The following SPG11 variants were observed in gnomAD, a reference collection of about 807,000 sequenced individuals.
The protein encoded by SPG11 is spatacsin.
Under a neutral mutation model 274.0 loss-of-function variants are expected in SPG11, and 222 were observed. The ratio of observed to expected loss-of-function variants is 0.81; its 90% CI spans 0.73 to 0.91. The LOEUF is 0.91. Among genes scored for constraint, SPG11 ranks in the 40% least tolerant of loss-of-function variants. The pLI, the probability that SPG11 is intolerant of heterozygous loss-of-function variation, is 0.00. For synonymous variants in SPG11, 1,144 were observed against 1,039.7 expected (o/e 1.10, Z -1.93); for missense variants, 3,114 against 2,872.7 (o/e 1.08, Z -1.92).
intron 9 of SPG11, 149 bp downstream of exon 9, chr15:44,629,084 C>G (rs1050642514): frequency 1.0e-6 from 1 of 954,094 alleles, no homozygotes; most frequent in Non-Finnish European, 1.6e-6. Flanking sequence ...GTATCAAAAC[C>G]CATTTCACTT....
At position 44,585,866 on chromosome 15, in the gene SPG11, A is replaced by AATAT; in HGVS notation, c.4907-17_4907-16insATAT. ...ACATCTGGACCTGTGCCAAAGAGAA[A>AATAT]AGGATATAAACATTTAGTCAATAAA... On this transcript the variant is annotated splice_polypyrimidine_tract_variant and intron_variant, in intron 28 of 39. Coordinates refer to ENST00000261866, the MANE Select transcript of SPG11 (RefSeq NM_025137.4). 6.2e-7 allele frequency: 1 copy of AATAT among 1,611,570 alleles called. No homozygotes were observed. The highest frequency in any genetic ancestry group is 8.5e-7 in the Non-Finnish European group (1 of 1,177,830).
chr15:44,583,662 C>T (rs1455582443), intron 30 of SPG11, 152 bp downstream of exon 30: 12 of 822,964 alleles, frequency 1.5e-5, no homozygotes, highest in East Asian at 7.5e-5. Flanking sequence ...ATTTCATTGC[C>T]TAGTTAATTG....
chr15:44,592,290 A>G, intron 27 of SPG11, 41 bp downstream of exon 27: 1 of 1,222,458 alleles, frequency 8.2e-7, no homozygotes, highest in African/African-American at 1.5e-5. Context: ...ATGCCAACCA[A>G]GTGCAGATCA....
chr15:44,619,095 A>C (rs1344958876), intron 15 of SPG11, among the ~76,000 whole-genome samples: 1 of 152,206 alleles, frequency 6.6e-6, no homozygotes, highest in African/African-American at 2.4e-5. Flanking sequence ...CATTTAGTGC[A>C]ATGGAGAGAA....
At chr15:44,627,996 C>G (rs2083952687) in intron 10 of SPG11, among the ~76,000 whole-genome samples, 1 of 152,204 alleles carries the variant, frequency 6.6e-6, no homozygotes, top group African/African-American at 2.4e-5. Context: ...AACAACCTAG[C>G]AGCATCTCCA....
intron 34 of SPG11, among the ~76,000 whole-genome samples, chr15:44,569,736 A>C (rs2082379908): frequency 7.3e-6 from 1 of 137,004 alleles, no homozygotes. Flanking sequence ...TTTTTTTTTG[A>C]GATGGAGTCT....
At chr15:44,565,787 T>C in intron 38 of SPG11, 67 bp downstream of exon 38, 1 of 1,596,374 alleles carries the variant, frequency 6.3e-7, no homozygotes, top group Non-Finnish European at 8.6e-7. Flanking sequence ...TACCTCTGGG[T>C]TCCATGAGTG....
At chr15:44,642,997 T>C (rs1211704117) in intron 7 of SPG11, among the ~76,000 whole-genome samples, 2 of 152,238 alleles carry the variant, frequency 1.3e-5, no homozygotes, top group Non-Finnish European at 2.9e-5. Context: ...CTTGCCTTGA[T>C]GGTGGATACA....
At chr15:44,565,659 T>G (rs2082292252) in intron 38 of SPG11, among the ~76,000 whole-genome samples, 195 bp downstream of exon 38, 1 of 152,230 alleles carries the variant, frequency 6.6e-6, no homozygotes, top group South Asian at 2.1e-4. Flanking sequence ...CTTACCATTC[T>G]CTAACCTCTG....
chr15:44,565,809 G>A, intron 38 of SPG11, 45 bp downstream of exon 38: 2 of 1,611,304 alleles, frequency 1.2e-6, no homozygotes, highest in African/African-American at 1.3e-5. Flanking sequence ...GACAGAAGGA[G>A]AGAGGATGCT....
At chr15:44,619,979 G>A in intron 15 of SPG11, 2 of 515,668 alleles carry the variant, frequency 3.9e-6, no homozygotes, top group Non-Finnish European at 7.0e-6. Flanking sequence ...GCCTCCCAAA[G>A]TGCTGAGATT....
intron 39 of SPG11, 117 bp downstream of exon 39, chr15:44,564,430 C>T: frequency 1.0e-6 from 1 of 979,246 alleles, no homozygotes. Context: ...TACTGCTTTG[C>T]CATTTTAAGT....
At chr15:44,582,588 AT>A (rs1226833258) in intron 30 of SPG11, among the ~76,000 whole-genome samples, 2 of 152,136 alleles carry the variant, frequency 1.3e-5, no homozygotes, top group African/African-American at 4.8e-5. Context: ...ACAGAATAAC[AT>A]TCCTCATGAA....
At chr15:44,580,239 G>A (rs2082632468) in intron 30 of SPG11, among the ~76,000 whole-genome samples, 1 of 152,104 alleles carries the variant, frequency 6.6e-6, no homozygotes, top group South Asian at 2.1e-4. Context: ...ATGCTGTACT[G>A]GCTTGTAGCC....
At position 44,659,122 on chromosome 15, in the gene SPG11, G is replaced by C; in HGVS notation, c.624C>G (p.Leu208=). Residue 208 remains leucine, a synonymous_variant, in exon 3 of 40, where the codon CTC becomes CTG. Coordinates refer to ENST00000261866, the MANE Select transcript of SPG11 (RefSeq NM_025137.4). ...TCAAAACAAAAAGAATTCCTCTGCA[G>C]AGCTGCGTGTCAATAATCATGTCCA... ...QAVDMIIDTQ[L]CRGILFVLSS... is the part of the protein sequence containing the mutation. 6.2e-7 allele frequency: 1 copy of C among 1,614,222 alleles called. No homozygotes were observed. Among genetic ancestry groups the C allele is most frequent in the Admixed American group, 1.7e-5 (1 of 60,032 alleles).
At chr15:44,590,317 A>T (rs1400694160) in intron 27 of SPG11, 2 of 152,236 alleles carry the variant, frequency 1.3e-5, no homozygotes, top group African/African-American at 2.4e-5. Flanking sequence ...TAATAGGAAG[A>T]TGAATTCAAG....
intron 8 of SPG11, among the ~76,000 whole-genome samples, chr15:44,630,871 C>T (rs892791414): frequency 6.6e-6 from 1 of 152,124 alleles, no homozygotes; most frequent in Non-Finnish European, 1.5e-5. Flanking sequence ...AGACACTGCA[C>T]CCAGTCTGAG....
intron 18 of SPG11, among the ~76,000 whole-genome samples, chr15:44,609,083 T>G (rs1355116816): frequency 6.6e-6 from 1 of 152,194 alleles, no homozygotes; most frequent in Non-Finnish European, 1.5e-5. Context: ...AAGGTGGTAC[T>G]AAGTTAAGCT....
At chr15:44,583,740 G>A in intron 30 of SPG11, 74 bp downstream of exon 30, 1 of 1,601,180 alleles carries the variant, frequency 6.2e-7, no homozygotes, top group Non-Finnish European at 8.5e-7. Context: ...TCTGCCACAA[G>A]GGTCCCTTCC....
Sources: allele counts gnomAD v4.1 joint callset (sites outside exome capture counted in the v4.1 genomes callset), GRCh38; gene constraint gnomAD v4.1.1; transcripts MANE v1.5; gene names NCBI Gene and HGNC (gene_info 2026-07-23, HGNC 2026-07-21).